MMP16: variants seen among roughly 807,000 people sequenced by gnomAD.
MMP16 encodes the protein matrix metallopeptidase 16, also known as matrix metalloproteinase-16.
Under a neutral mutation model 67.8 loss-of-function variants are expected in MMP16, and 12 were observed. The ratio of observed to expected loss-of-function variants is 0.18; its 90% CI spans 0.11 to 0.29. The LOEUF (loss-of-function observed/expected upper bound fraction) is 0.29, where lower values mean the gene tolerates loss of function less well. Among genes scored for constraint, MMP16 ranks in the 10% least tolerant of loss-of-function variants. The pLI, the probability that MMP16 is intolerant of heterozygous loss-of-function variation, is 1.00. For missense variants in MMP16, 475 were observed against 765.7 expected (o/e 0.62, Z 4.48); for synonymous variants, 249 against 255.9 (o/e 0.97, Z 0.26).
At chr8:88,281,323 T>C (rs1810732249) in intron 1 of MMP16, among the ~76,000 whole-genome samples, 1 of 152,202 alleles carries the variant, frequency 6.6e-6, no homozygotes, top group Non-Finnish European at 1.5e-5. Flanking sequence ...TAGGAGATCA[T>C]GGATGATGAG....
chr8:88,313,302 T>G (rs1219956570), intron 1 of MMP16, among the ~76,000 whole-genome samples: 1 of 152,212 alleles, frequency 6.6e-6, no homozygotes, highest in Non-Finnish European at 1.5e-5. Flanking sequence ...TTCTTTATTT[T>G]GCCTAAGTAT....
intron 1 of MMP16, among the ~76,000 whole-genome samples, chr8:88,314,408 A>T (rs1376307561): frequency 6.6e-6 from 1 of 152,110 alleles, no homozygotes; most frequent in Non-Finnish European, 1.5e-5. Flanking sequence ...TATGCCTGAC[A>T]ATTTTTTATT....
rs1339666886 is a variant in MMP16, at chr8:88,035,508, A to G, written c.*5953T>C. On this transcript the variant is annotated 3_prime_UTR_variant, in exon 10 of 10. Transcript: ENST00000286614. This position sits in a 1 kb window ranked among gnomAD's most constrained non-coding sequence, Gnocchi z 4.7. ...AAATGTCTTTCATACATAACTTTTT[A>G]TACTTACTCTGCACTGACCATGAGT... is the stretch of plus-strand genomic sequence containing the variant. 1 of 152,042 alleles carries G rather than the reference A, an allele frequency of 6.6e-6. No individual in the cohort carries two copies. Among genetic ancestry groups the G allele is most frequent in the Non-Finnish European group, 1.5e-5 (1 of 67,952 alleles). 9.4% of individuals were successfully genotyped at this position (152,042 alleles called of 1,614,324 possible).
intron 3 of MMP16, among the ~76,000 whole-genome samples, chr8:88,173,137 T>G (rs1018588100): frequency 6.6e-6 from 1 of 152,070 alleles, no homozygotes; most frequent in Non-Finnish European, 1.5e-5. Context: ...GCATCCCCTA[T>G]CTCCCTGGGC....
rs141815761 is a variant in MMP16, at chr8:88,175,372, C to A, written c.405-7399G>T. ...ATAATTATTTTTTGAGCTTAAATGT[C>A]AGATTTTACTTATTAATTTATTTTC... On this transcript the variant is annotated intron_variant, in intron 3 of 9. Coordinates refer to ENST00000286614, the MANE Select transcript of MMP16 (RefSeq NM_005941.5). Among the ~76,000 whole-genome samples, 307 of 152,178 alleles carry A rather than the reference C, an allele frequency of 2.0e-3. 2 individuals carry two copies. Among genetic ancestry groups the A allele is most frequent in the African/African-American group, 7.2e-3 (297 of 41,524 alleles).
chr8:88,186,881 G>A (rs767026602), intron 2 of MMP16, among the ~76,000 whole-genome samples: 2 of 151,830 alleles, frequency 1.3e-5, no homozygotes, highest in Non-Finnish European at 2.9e-5. Flanking sequence ...TATAGACAGA[G>A]GTAGTCTAAA....
At chr8:88,100,426 G>A (rs1360040902) in intron 6 of MMP16, among the ~76,000 whole-genome samples, 1 of 152,100 alleles carries the variant, frequency 6.6e-6, no homozygotes, top group Middle Eastern at 3.4e-3. Flanking sequence ...ACCACAATGA[G>A]ATACCATCTC....
At chr8:88,137,752 G>A (rs1808145190) in intron 4 of MMP16, among the ~76,000 whole-genome samples, 1 of 151,618 alleles carries the variant, frequency 6.6e-6, no homozygotes. Context: ...TGTCCTATAT[G>A]CATGTCTCTA....
intron 1 of MMP16, among the ~76,000 whole-genome samples, chr8:88,235,240 A>G (rs992127493): frequency 1.3e-5 from 2 of 152,066 alleles, no homozygotes; most frequent in Non-Finnish European, 2.9e-5. Flanking sequence ...AAAAGTTCAA[A>G]AATTAGCCAG....
At position 88,072,486 on chromosome 8, in the gene MMP16, G is replaced by C. The variant is rs16877586; in HGVS notation, c.1222+2119C>G. ...ACTGGAGGAAAGAGTTGCCACAGCA[G>C]GGTCCTCAAAGTGACAAAATTTATT... On this transcript the variant is annotated intron_variant, in intron 7 of 9. Coordinates refer to ENST00000286614, the MANE Select transcript of MMP16 (RefSeq NM_005941.5). 1.6e-4 allele frequency among the ~76,000 whole-genome samples: 24 copies of C among 152,224 alleles called. No homozygotes were observed. In the East Asian group the frequency reaches 4.7e-3, roughly 30 times the overall value.
At chr8:88,073,839 A>T (rs1407860867) in intron 7 of MMP16, among the ~76,000 whole-genome samples, 1 of 152,048 alleles carries the variant, frequency 6.6e-6, no homozygotes, top group Non-Finnish European at 1.5e-5. Context: ...CTCTTGGGTA[A>T]TATGTTCAAC....
In MMP16 at chr8:88,073,496, C is replaced by T. The variant is rs1243157476; in HGVS notation, c.1222+1109G>A. 2.6e-5 allele frequency among the ~76,000 whole-genome samples: 4 copies of T among 152,086 alleles called. No homozygotes were observed. In the East Asian group the frequency reaches 7.8e-4, roughly 30 times the overall value. On this transcript the variant is annotated intron_variant, in intron 7 of 9. Transcript: ENST00000286614. Reference sequence around the variant, plus strand: ...AATTGAGTAGCTTGTTCAGCTGATACAGCTAGTAAGTGTTCAAGGTTGGCA... The same window carrying T: ...AATTGAGTAGCTTGTTCAGCTGATATAGCTAGTAAGTGTTCAAGGTTGGCA...
intron 4 of MMP16, among the ~76,000 whole-genome samples, chr8:88,127,335 T>C (rs190488222): frequency 9.9e-5 from 15 of 151,924 alleles, no homozygotes; most frequent in African/African-American, 3.6e-4. Context: ...TGATGCAATA[T>C]GAAATGATTG....
intron 1 of MMP16, among the ~76,000 whole-genome samples, chr8:88,262,646 T>C (rs1398845810): frequency 6.6e-6 from 1 of 152,118 alleles, no homozygotes; most frequent in African/African-American, 2.4e-5. Flanking sequence ...GCAAGCATCA[T>C]AAACTTTCTT....
At chr8:88,053,846 GT>G (rs557505749) in intron 8 of MMP16, among the ~76,000 whole-genome samples, 10 of 152,076 alleles carry the variant, frequency 6.6e-5, no homozygotes, top group Admixed American at 5.2e-4. Context: ...CCTGCTTTCA[GT>G]TTTTTTAAAC....
chr8:88,042,407 C>T (rs1234874167), intron 9 of MMP16, among the ~76,000 whole-genome samples: 1 of 152,128 alleles, frequency 6.6e-6, no homozygotes, highest in Non-Finnish European at 1.5e-5. Context: ...CATTTGCCTG[C>T]AAGGAATCTT....
At chr8:88,062,806 T>TA (rs911197312) in intron 7 of MMP16, among the ~76,000 whole-genome samples, 8 of 151,980 alleles carry the variant, frequency 5.3e-5, no homozygotes, top group Middle Eastern at 3.4e-3. Context: ...TAAAGTATAA[T>TA]AAAAAAAATT....
At chr8:88,180,251 A>G (rs578204487) in intron 3 of MMP16, among the ~76,000 whole-genome samples, 2 of 152,072 alleles carry the variant, frequency 1.3e-5, no homozygotes, top group East Asian at 3.9e-4. Context: ...ATTTCACTCC[A>G]GCCTGGGCAA....
intron 4 of MMP16, among the ~76,000 whole-genome samples, chr8:88,163,308 C>T (rs1179526878): frequency 6.6e-6 from 1 of 152,100 alleles, no homozygotes; most frequent in African/African-American, 2.4e-5. Context: ...ATGTCAATCA[C>T]TTCACAGTGA....
Sources: gnomAD v4.1 joint callset for allele counts (sites outside exome capture counted in the v4.1 genomes callset) on GRCh38, gnomAD v4.1.1 for gene constraint, Gnocchi (gnomAD v3.1) non-coding constraint, MANE v1.5 for transcripts, NCBI Gene and HGNC (gene_info 2026-07-23, HGNC 2026-07-21) for gene names.